Variants in DMD observed in about 807,000 individuals in gnomAD.
The protein encoded by DMD is dystrophin.
Under a neutral mutation model 330.1 loss-of-function variants are expected in DMD, and 63 were observed. The observed-to-expected ratio is 0.19, with a 90% CI of 0.16 to 0.24. The LOEUF is 0.24. Ranked by LOEUF, DMD falls within the 10% of genes least tolerant of loss-of-function variation. The probability of loss-of-function intolerance (pLI) is 1.00; values close to 1 mark genes in which losing one functional copy is unlikely to be tolerated. For synonymous variants in DMD, 1,223 were observed against 959.8 expected (o/e 1.27, Z -5.07); for missense variants, 3,344 against 2,684.1 (o/e 1.25, Z -5.43).
chrX:33,219,284 A>G (rs999646650), intron 1 of DMD, among the ~76,000 whole-genome samples: 14 of 101,159 alleles, frequency 1.4e-4, no homozygotes, highest in African/African-American at 4.6e-4. Flanking sequence ...CACTCCATCT[A>G]TGGTTGATAC....
chrX:32,413,797 T>A (rs755994796), intron 29 of DMD, among the ~76,000 whole-genome samples: 14 of 102,590 alleles, frequency 1.4e-4, no homozygotes, highest in Non-Finnish European at 2.6e-4. Context: ...CTCTGCTCAC[T>A]GCAACCTCTG....
At chrX:33,086,302 C>T (rs2095003816) in intron 1 of DMD, among the ~76,000 whole-genome samples, 1 of 111,805 alleles carries the variant, frequency 8.9e-6, no homozygotes. Context: ...AATATCAAAT[C>T]TCTTTCCCAT....
intron 45 of DMD, among the ~76,000 whole-genome samples, chrX:31,952,789 C>T: frequency 8.9e-6 from 1 of 111,856 alleles, no homozygotes; most frequent in Non-Finnish European, 1.9e-5. Context: ...GAAAATTTGA[C>T]ATTTTAAATA....
chrX:32,471,635 A>G (rs759855097), intron 22 of DMD, among the ~76,000 whole-genome samples: 15 of 112,241 alleles, frequency 1.3e-4, no homozygotes, highest in Non-Finnish European at 2.1e-4. Flanking sequence ...ATTAGGCATT[A>G]TAAGTAATCC....
intron 7 of DMD, among the ~76,000 whole-genome samples, chrX:32,806,355 G>A (rs894576760): frequency 9.0e-6 from 1 of 110,930 alleles, no homozygotes; most frequent in African/African-American, 3.3e-5. Context: ...GACAAAGAAG[G>A]GCATTACATA....
At chrX:32,076,377 T>G (rs899734201) in intron 44 of DMD, among the ~76,000 whole-genome samples, 13 of 95,065 alleles carry the variant, frequency 1.4e-4, no homozygotes, top group African/African-American at 6.0e-4. Flanking sequence ...CTTTTTTTCT[T>G]TCTTTCTTTT....
intron 41 of DMD, among the ~76,000 whole-genome samples, chrX:32,341,458 G>C (rs2097742244): frequency 8.9e-6 from 1 of 111,925 alleles, no homozygotes; most frequent in African/African-American, 3.2e-5. Flanking sequence ...TCAGTTGTTT[G>C]AAAGAAGAGC....
chrX:32,668,349 T>C (rs2061437956), intron 9 of DMD, among the ~76,000 whole-genome samples: 1 of 112,295 alleles, frequency 8.9e-6, no homozygotes, highest in Admixed American at 9.4e-5. Context: ...CAAGAATATT[T>C]TTTTTACCTC....
At chrX:31,436,562 T>C (rs1000673834) in intron 60 of DMD, among the ~76,000 whole-genome samples, 3 of 111,541 alleles carry the variant, frequency 2.7e-5, no homozygotes, top group Non-Finnish European at 5.6e-5. Context: ...CCATATTAGT[T>C]TCAAGGCTAC....
chrX:31,423,666 C>T (rs907052013), intron 60 of DMD, among the ~76,000 whole-genome samples: 4 of 111,403 alleles, frequency 3.6e-5, no homozygotes, highest in Non-Finnish European at 7.5e-5. Flanking sequence ...CCAGTAATGA[C>T]GCAGATGTTT....
At chrX:31,587,625 C>T (rs761666967) in intron 55 of DMD, among the ~76,000 whole-genome samples, 2 of 111,432 alleles carry the variant, frequency 1.8e-5, no homozygotes, top group South Asian at 7.6e-4. Flanking sequence ...TATTTTTTTT[C>T]CTTGGCCTCC....
intron 7 of DMD, among the ~76,000 whole-genome samples, chrX:32,714,494 T>G (rs748338697): frequency 2.7e-5 from 3 of 112,045 alleles, no homozygotes; most frequent in Non-Finnish European, 5.6e-5. Context: ...GCAAAAGACA[T>G]AATTTTATTC....
intron 76 of DMD, among the ~76,000 whole-genome samples, chrX:31,144,598 G>A (rs2036471013): frequency 8.9e-6 from 1 of 111,828 alleles, no homozygotes; most frequent in African/African-American, 3.3e-5. Context: ...CCTCATGGAA[G>A]AGCTCAAGTA....
intron 47 of DMD, among the ~76,000 whole-genome samples, chrX:31,900,069 T>C (rs1425184362): frequency 8.9e-6 from 1 of 111,977 alleles, no homozygotes; most frequent in Admixed American, 9.5e-5. Flanking sequence ...GGTGTAACAG[T>C]GTGCATTATG....
At chrX:32,035,205 C>T (rs773926047) in intron 44 of DMD, among the ~76,000 whole-genome samples, 17 of 110,967 alleles carry the variant, frequency 1.5e-4, no homozygotes, top group South Asian at 3.7e-4. Flanking sequence ...TTGCAAAAGA[C>T]GACAAAAGCA....
At chrX:32,506,965 T>A (rs2044692696) in intron 18 of DMD, among the ~76,000 whole-genome samples, 1 of 111,903 alleles carries the variant, frequency 8.9e-6, no homozygotes, top group Non-Finnish European at 1.9e-5. Context: ...TCTCAACTTA[T>A]TAGTTTTTGT....
intron 41 of DMD, among the ~76,000 whole-genome samples, chrX:32,341,744 G>A (rs2097744093): frequency 9.0e-6 from 1 of 111,619 alleles, no homozygotes; most frequent in Non-Finnish European, 1.9e-5. Flanking sequence ...GATGATCTCA[G>A]GAAAGCAATA....
chrX:32,970,086 A>G lies in DMD; in HGVS notation c.93+50053T>C, dbSNP rs1041946275. On this transcript the variant is annotated intron_variant, in intron 2 of 78. Transcript: ENST00000357033. Reference sequence around the variant, plus strand: ...CAACTCTTGCCTCCAAAATGCATTCATTCTTGAATAACTTTGATCAGATGA... The same window carrying G: ...CAACTCTTGCCTCCAAAATGCATTCGTTCTTGAATAACTTTGATCAGATGA... Among the ~76,000 whole-genome samples, 8 of 94,841 alleles carry G rather than the reference A, an allele frequency of 8.4e-5. 1 individual carries two copies. The highest frequency in any genetic ancestry group is 2.0e-5 in the Non-Finnish European group (1 of 49,528). The allele number at this position is 94,841 out of a possible 115,157, so 82.4% of individuals were successfully genotyped here.
chrX:31,994,795 C>T (rs1197804163), intron 44 of DMD, among the ~76,000 whole-genome samples: 2 of 112,076 alleles, frequency 1.8e-5, no homozygotes, highest in African/African-American at 3.2e-5. Context: ...CCGGATTAAT[C>T]GCACATATAT....
Sources: gnomAD v4.1 joint callset for allele counts (sites outside exome capture counted in the v4.1 genomes callset) on GRCh38, gnomAD v4.1.1 for gene constraint, MANE v1.5 for transcripts, NCBI Gene and HGNC (gene_info 2026-07-23, HGNC 2026-07-21) for gene names.